NEK2: variants seen among roughly 807,000 people sequenced by gnomAD.
NEK2 encodes the protein NIMA related kinase 2, also known as serine/threonine-protein kinase Nek2.
NEK2 carries 28 observed loss-of-function variants against 54.1 expected under a neutral mutation model. The ratio of observed to expected loss-of-function variants is 0.52; its 90% CI spans 0.38 to 0.71. The LOEUF (loss-of-function observed/expected upper bound fraction) is 0.71, where lower values mean the gene tolerates loss of function less well. Ranked by LOEUF, NEK2 falls within the 30% of genes least tolerant of loss-of-function variation. NEK2 has a pLI of 0.00. For missense variants in NEK2, 407 were observed against 531.5 expected, an observed-to-expected ratio of 0.77 and a Z score of 2.30; for synonymous variants, 176 against 193.1, an observed-to-expected ratio of 0.91 and a Z score of 0.73.
At chr1:211,673,137 G>A (rs531805518) in intron 3 of NEK2, among the ~76,000 whole-genome samples, 6 of 152,052 alleles carry the variant, frequency 3.9e-5, no homozygotes, top group Admixed American at 3.9e-4. Context: ...GGCTGGGCAT[G>A]GTGGCTCACG....
chr1:211,672,631 C>G (rs956729869), intron 3 of NEK2, among the ~76,000 whole-genome samples: 1 of 113,454 alleles, frequency 8.8e-6, no homozygotes, highest in Non-Finnish European at 1.9e-5. Context: ...AAAAAAAAAA[C>G]AGAGTTCAAG....
chr1:211,673,749 T>C (rs753199276), intron 2 of NEK2, 26 bp from the exon 3 acceptor site: 41 of 1,602,356 alleles, frequency 2.6e-5, no homozygotes, highest in Non-Finnish European at 3.4e-5. Context: ...TTATACAGCA[T>C]ATAACTTCTA....
chr1:211,669,559 C>T (rs1357040654), intron 5 of NEK2: 2 of 523,280 alleles, frequency 3.8e-6, no homozygotes, highest in Non-Finnish European at 6.8e-6. Flanking sequence ...TTCCCTTTTC[C>T]CCTTTTCACC....
intron 7 of NEK2, chr1:211,666,427 A>G (rs930249008): frequency 8.1e-6 from 7 of 866,288 alleles, no homozygotes; most frequent in Non-Finnish European, 9.7e-6. Context: ...CAATATTAAA[A>G]TGTTTATTTT....
intron 3 of NEK2, among the ~76,000 whole-genome samples, chr1:211,673,151 G>A (rs1407366670): frequency 1.3e-5 from 2 of 152,070 alleles, no homozygotes; most frequent in Non-Finnish European, 2.9e-5. Flanking sequence ...GCTCACGCCT[G>A]TAATCCCAAC....
chr1:211,659,971 G>A (rs1040231909), downstream of NEK2, among the ~76,000 whole-genome samples: 1 of 151,900 alleles, frequency 6.6e-6, no homozygotes, highest in Admixed American at 6.6e-5. Context: ...ACAGGCACAC[G>A]CCACACCTGG....
At position 211,663,252 on chromosome 1, in the gene NEK2, C is replaced by T; in HGVS notation, c.*174G>A. ...AGAAGAAAGAAAAATTAAATGTGAACATTTTGTACAATAGTTGCTGAAGAA... is the reference window on the plus strand; with the variant it reads ...AGAAGAAAGAAAAATTAAATGTGAATATTTTGTACAATAGTTGCTGAAGAA... On this transcript the variant is annotated 3_prime_UTR_variant, in exon 8 of 8. Transcript: ENST00000366999. 4 of 1,367,316 alleles carry T rather than the reference C, an allele frequency of 2.9e-6. No homozygotes were observed. The highest frequency in any genetic ancestry group is 3.8e-6 in the Non-Finnish European group (4 of 1,058,252). The allele number at this position is 1,367,316 out of a possible 1,614,324, so 84.7% of individuals were successfully genotyped here. A position where few individuals can be genotyped will look rare whatever the true frequency, so the allele number is the denominator to read the frequency against.
chr1:211,671,321 T>G (rs1558229628), intron 3 of NEK2, 37 bp from the exon 4 acceptor site: 1 of 1,469,304 alleles, frequency 6.8e-7, no homozygotes, highest in Non-Finnish European at 9.5e-7. Context: ...TGGAAGGTGT[T>G]AAGAGTTTAT....
Position 211,669,294 on chromosome 1 carries a change from G to T in NEK2, c.804C>A (p.Asn268Lys). ...HRPSVEEILE[N>K]PLIADLVADE... ...CTGCAACCAAATCTGCTATTAAAGG[G>T]TTCTCAAGAATTTCTTCAACAGAAG... The change falls in exon 6 of 8, where the codon AAC becomes AAA. Residue 268 changes from asparagine to lysine, a missense_variant. Coordinates refer to ENST00000366999, the MANE Select transcript of NEK2 (RefSeq NM_002497.4). The T allele has an allele frequency of 2.5e-6, 4 of 1,614,140 alleles. No individual in the cohort carries two copies. Among genetic ancestry groups the T allele is most frequent in the African/African-American group, 2.7e-5 (2 of 75,044 alleles).
downstream of NEK2, chr1:211,660,321 G>A (rs566852089): frequency 2.9e-4 from 142 of 483,582 alleles, no homozygotes; most frequent in South Asian, 2.4e-3. Flanking sequence ...GCAAGAACAC[G>A]GCCAGCAGAT....
intron 6 of NEK2, 74 bp downstream of exon 6, chr1:211,669,039 C>T (rs897252602): frequency 6.9e-6 from 9 of 1,311,398 alleles, no homozygotes; most frequent in Non-Finnish European, 8.6e-6. Flanking sequence ...ATATTCTGCT[C>T]AAAGAGATAT....
chr1:211,660,945 A>G, downstream of NEK2: 2 of 746,420 alleles, frequency 2.7e-6, no homozygotes, highest in Non-Finnish European at 5.0e-6. Context: ...CCGTGATGTC[A>G]TCTACCACGA....
At chr1:211,660,453 G>A, downstream of NEK2, 2 of 704,110 alleles carry the variant, frequency 2.8e-6, no homozygotes. Flanking sequence ...CCACCAGCCA[G>A]CTGCATTTGT....
chr1:211,671,316 G>A (rs759427707), intron 3 of NEK2, 32 bp from the exon 4 acceptor site: 39 of 1,482,648 alleles, frequency 2.6e-5, no homozygotes, highest in Non-Finnish European at 3.6e-5. Flanking sequence ...GAAAGTGGAA[G>A]GTGTTAAGAG....
downstream of NEK2, chr1:211,660,864 A>G: frequency 1.4e-6 from 1 of 719,174 alleles, no homozygotes; most frequent in Non-Finnish European, 2.6e-6. Context: ...GCATAGCATC[A>G]TTGACAGCAT....
chr1:211,669,436 G>T (rs1655293027), intron 5 of NEK2, 104 bp from the exon 6 acceptor site: 11 of 1,031,444 alleles, frequency 1.1e-5, no homozygotes, highest in Middle Eastern at 4.1e-4. Context: ...CAAGACAAAA[G>T]AAAGGACTCC....
rs563187842 is a variant in NEK2 at position 211,663,582 on chromosome 1, G to A, written c.1182C>T (p.Ile394=). Residue 394 remains isoleucine, a synonymous_variant, in exon 8 of 8, where the codon ATC becomes ATT. Coordinates refer to ENST00000366999, the MANE Select transcript of NEK2 (RefSeq NM_002497.4). The stretch of plus-strand genomic sequence containing the variant: ...GACTCTCAGAATTCTCACTCCTCAT[G>A]ATGTTCTCTTTACTTTCCCCACTGA... ...VHFSGESKEN[I]MRSENSESQL... is the part of the protein sequence containing the mutation. 6.2e-7 allele frequency: 1 copy of A among 1,613,778 alleles called. No individual in the cohort carries two copies. The highest frequency in any genetic ancestry group is 2.2e-5 in the East Asian group (1 of 44,888).
At chr1:211,664,759 C>A (rs185761636) in intron 7 of NEK2, among the ~76,000 whole-genome samples, 2 of 152,340 alleles carry the variant, frequency 1.3e-5, no homozygotes, top group East Asian at 3.9e-4. Flanking sequence ...CTCTATCCAC[C>A]TTCTTATTAC....
chr1:211,675,323 C>A, intron 1 of NEK2, 61 bp downstream of exon 1: 1 of 1,481,138 alleles, frequency 6.8e-7, no homozygotes, highest in Non-Finnish European at 9.4e-7. Context: ...TGGCGCAGGG[C>A]GCTCGCCCCG....
Sources: gnomAD v4.1 joint callset for allele counts (sites outside exome capture counted in the v4.1 genomes callset) on GRCh38, gnomAD v4.1.1 for gene constraint, MANE v1.5 for transcripts, NCBI Gene and HGNC (gene_info 2026-07-23, HGNC 2026-07-21) for gene names.